SUGCT: variants seen among roughly 807,000 people sequenced by gnomAD.
The protein encoded by SUGCT is succinyl-CoA:glutarate-CoA transferase.
A neutral mutation model predicts 55.0 loss-of-function variants in SUGCT; 41 were observed. That is an observed-to-expected ratio of 0.74 (90% CI 0.58 to 0.97). The LOEUF (loss-of-function observed/expected upper bound fraction) is 0.97, where lower values mean the gene tolerates loss of function less well. SUGCT is among the 50% of genes least tolerant of loss of function. SUGCT has a pLI of 0.00. For missense variants in SUGCT, 568 were observed against 547.8 expected (o/e 1.04, Z -0.37); for synonymous variants, 187 against 200.4 (o/e 0.93, Z 0.56).
chr7:40,187,284 G>A (rs1040296734), intron 3 of SUGCT, among the ~76,000 whole-genome samples: 14 of 152,108 alleles, frequency 9.2e-5, no homozygotes, highest in South Asian at 2.1e-4. Context: ...GGGGCCTGTC[G>A]TGGGGTGTGG....
At chr7:41,005,285 A>G in the SUGCT span, among the ~76,000 whole-genome samples, 8 of 152,218 alleles carry the variant, frequency 5.3e-5, no homozygotes, top group African/African-American at 1.9e-4. Context: ...ATACAGACCT[A>G]TCGAAGCAAG....
intron 12 of SUGCT, among the ~76,000 whole-genome samples, chr7:40,704,374 C>A (rs979998011): frequency 2.0e-5 from 3 of 152,070 alleles, no homozygotes; most frequent in African/African-American, 4.8e-5. Flanking sequence ...CACAAGGGGG[C>A]TCTTACAAGC....
At chr7:40,236,414 C>A (rs1226649573) in intron 6 of SUGCT, among the ~76,000 whole-genome samples, 1 of 111,856 alleles carries the variant, frequency 8.9e-6, no homozygotes, top group Non-Finnish European at 1.7e-5. Flanking sequence ...GAAAATCTTT[C>A]CTGTGTTCTG....
At chr7:41,005,250 C>T in the SUGCT span, among the ~76,000 whole-genome samples, 1 of 152,246 alleles carries the variant, frequency 6.6e-6, no homozygotes, top group East Asian at 1.9e-4. Flanking sequence ...GTTTCCCCCT[C>T]AGCTGAAGGT....
At chr7:40,232,961 A>G (rs1010646599) in intron 6 of SUGCT, among the ~76,000 whole-genome samples, 2 of 152,156 alleles carry the variant, frequency 1.3e-5, no homozygotes, top group African/African-American at 4.8e-5. Flanking sequence ...ATTTAAAGGA[A>G]CTATCTGGAT....
chr7:40,248,977 T>G (rs1459081244), intron 7 of SUGCT, among the ~76,000 whole-genome samples: 4 of 151,812 alleles, frequency 2.6e-5, no homozygotes, highest in Non-Finnish European at 4.4e-5. Context: ...AATTCAACTG[T>G]ATTTGCTATG....
chr7:40,808,524 T>A (rs1791230754), intron 13 of SUGCT: 2 of 152,248 alleles, frequency 1.3e-5, no homozygotes, highest in Admixed American at 6.5e-5. Flanking sequence ...TCTTCTGCAG[T>A]TTCACAAAGC....
At chr7:40,773,283 C>T (rs1789276558) in intron 13 of SUGCT, among the ~76,000 whole-genome samples, 1 of 151,972 alleles carries the variant, frequency 6.6e-6, no homozygotes, top group Admixed American at 6.6e-5. Context: ...CACCTGCCAC[C>T]ACGCCCACGT....
chr7:40,152,486 C>T, intron 1 of SUGCT: 1 of 207,538 alleles, frequency 4.8e-6, no homozygotes, highest in Non-Finnish European at 1.0e-5. Context: ...ATTGGGGTCA[C>T]CATACAATCA....
intron 10 of SUGCT, among the ~76,000 whole-genome samples, chr7:40,457,759 A>G (rs1789570322): frequency 6.6e-6 from 1 of 152,196 alleles, no homozygotes; most frequent in Non-Finnish European, 1.5e-5. Flanking sequence ...GTTACCCTTA[A>G]GTGTGGTCAC....
chr7:40,220,424 T>TAG (rs1331105432), intron 6 of SUGCT, among the ~76,000 whole-genome samples: 1 of 152,240 alleles, frequency 6.6e-6, no homozygotes, highest in Non-Finnish European at 1.5e-5. Context: ...AAAGTTGTTA[T>TAG]TGGTTCATGA....
intron 2 of SUGCT, 48 bp downstream of exon 2, chr7:40,181,046 C>A: frequency 7.5e-7 from 1 of 1,341,130 alleles, no homozygotes; most frequent in Non-Finnish European, 1.1e-6. Flanking sequence ...TTTCCCTTTC[C>A]TCAAAAACTT....
chr7:40,268,470 A>G (rs112613958), intron 7 of SUGCT, among the ~76,000 whole-genome samples: 3,320 of 152,282 alleles, frequency 0.022, 104 homozygotes, highest in African/African-American at 0.075. Context: ...GTATTGTATT[A>G]GTAGAATAGT....
chr7:40,908,096 G>A, the SUGCT span, among the ~76,000 whole-genome samples: 6 of 151,856 alleles, frequency 4.0e-5, no homozygotes, highest in South Asian at 4.1e-4. Flanking sequence ...AGTATGGACC[G>A]GCCGGGTGCG....
intron 12 of SUGCT, among the ~76,000 whole-genome samples, chr7:40,611,611 G>A (rs1798771067): frequency 6.6e-6 from 1 of 152,148 alleles, no homozygotes. Context: ...TAGTAAAATT[G>A]CATAGTAGTG....
chr7:40,849,860 G>T (rs1244964643), intron 13 of SUGCT, among the ~76,000 whole-genome samples: 7 of 152,072 alleles, frequency 4.6e-5, no homozygotes. Context: ...GATAGTGAAG[G>T]CTTCATTCCT....
chr7:40,187,105 A>G (rs1275349001), intron 3 of SUGCT, among the ~76,000 whole-genome samples: 3 of 152,222 alleles, frequency 2.0e-5, no homozygotes, highest in African/African-American at 4.8e-5. Flanking sequence ...CTATGCAGCC[A>G]TAAAAAATGA....
chr7:40,382,989 T>C (rs4560709), intron 9 of SUGCT, among the ~76,000 whole-genome samples: 143,918 of 152,244 alleles, frequency 0.95, 68,541 homozygotes, highest in East Asian at 1. Flanking sequence ...CTTGGATAGA[T>C]ATTAATTAAA....
chr7:40,947,500 C>CT, the SUGCT span, among the ~76,000 whole-genome samples: 49,911 of 145,864 alleles, frequency 0.34, 8,644 homozygotes, highest in African/African-American at 0.44. Context: ...TACTTTCTCT[C>CT]TTTTTTTTTT....
Sources: gnomAD v4.1 joint callset for allele counts (sites outside exome capture counted in the v4.1 genomes callset) on GRCh38, gnomAD v4.1.1 for gene constraint, MANE v1.5 for transcripts, NCBI Gene and HGNC (gene_info 2026-07-23, HGNC 2026-07-21) for gene names.